SPIRE2: variants seen among roughly 807,000 people sequenced by gnomAD.
SPIRE2 encodes protein spire homolog 2.
A neutral mutation model predicts 80.7 loss-of-function variants in SPIRE2; 76 were observed. That is an observed-to-expected ratio of 0.94 (90% CI 0.78 to 1.14). SPIRE2 has a LOEUF of 1.14. Among genes scored for constraint, SPIRE2 ranks in the 50% most tolerant of loss-of-function variants. The pLI, the probability that SPIRE2 is intolerant of heterozygous loss-of-function variation, is 0.00. For missense variants in SPIRE2, 1,196 were observed against 1,015.3 expected, an observed-to-expected ratio of 1.18 and a Z score of -2.42; for synonymous variants, 535 against 432.6, an observed-to-expected ratio of 1.24 and a Z score of -2.94.
intron 7 of SPIRE2, among the ~76,000 whole-genome samples, chr16:89,857,361 C>T (rs1017554881): frequency 6.6e-6 from 1 of 151,624 alleles, no homozygotes; most frequent in African/African-American, 2.4e-5. Flanking sequence ...GTGTTGAACT[C>T]GTGGGCTCAA....
Position 89,860,690 on chromosome 16 carries a change from T to A in SPIRE2, c.1470T>A (p.Cys490Ter). The A allele has an allele frequency of 6.3e-7, 1 of 1,587,716 alleles. No individual in the cohort carries two copies. Among genetic ancestry groups the A allele is most frequent in the Non-Finnish European group, 8.6e-7 (1 of 1,167,156 alleles). ...GCCTCTGCTCTCCCCCAGGTACCTG[T>A]CCCGCGAGTGTCTCTGACCCCAGCC... ...WRPGSRDQGT[C>*]PASVSDPSHP... is the part of the protein sequence containing the mutation. The change falls in exon 10 of 15, where the codon TGT (cysteine) becomes TGA (stop). Residue 490 changes from cysteine to a stop codon, truncating the protein, a stop_gained. Coordinates refer to ENST00000378247, the MANE Select transcript of SPIRE2 (RefSeq NM_032451.2). LOFTEE classifies it high-confidence loss of function.
chr16:89,836,352 C>G (rs1275426929), intron 1 of SPIRE2: 1 of 419,990 alleles, frequency 2.4e-6, no homozygotes, highest in Admixed American at 2.7e-5. Context: ...GGCCGTGATT[C>G]TGCCGACTGC....
intron 3 of SPIRE2, 150 bp from the exon 4 acceptor site, chr16:89,854,136 C>T: frequency 1.4e-6 from 1 of 725,906 alleles, no homozygotes; most frequent in Non-Finnish European, 2.4e-6. Context: ...CTTTTCGAGT[C>T]CTATGGCCTG....
At position 89,857,620 on chromosome 16, in the gene SPIRE2, G is replaced by T. The variant is rs191536931; in HGVS notation, c.1103-718G>T. Among the ~76,000 whole-genome samples, 176 of 151,072 alleles carry T rather than the reference G, an allele frequency of 1.2e-3. 2 individuals are homozygous for T. Among genetic ancestry groups the T allele is most frequent in the African/African-American group, 4.2e-3 (173 of 41,192 alleles). ...AGTTTCGCCCTTTTTGCCCAGGCTG[G>T]AGTGCAGTGGCGCTATCTCAGCTCA... On this transcript the variant is annotated intron_variant, in intron 7 of 14. Coordinates refer to ENST00000378247, the MANE Select transcript of SPIRE2 (RefSeq NM_032451.2).
chr16:89,857,322 G>C (rs1026650221), intron 7 of SPIRE2, among the ~76,000 whole-genome samples: 1 of 151,616 alleles, frequency 6.6e-6, no homozygotes, highest in Non-Finnish European at 1.5e-5. Flanking sequence ...TTTTTGTAGA[G>C]ACAGGGTCTC....
intron 1 of SPIRE2, among the ~76,000 whole-genome samples, chr16:89,833,183 T>A (rs1188047348): frequency 6.6e-6 from 1 of 151,954 alleles, no homozygotes; most frequent in Non-Finnish European, 1.5e-5. Flanking sequence ...GAGATGGGGT[T>A]TCACCATGTT....
At position 89,850,607 on chromosome 16, in the gene SPIRE2, G is replaced by C; in HGVS notation, c.592G>C (p.Val198Leu). 1 of 1,518,770 alleles carries C rather than the reference G, an allele frequency of 6.6e-7. No individual in the cohort carries two copies. Among genetic ancestry groups the C allele is most frequent in the South Asian group, 1.2e-5 (1 of 81,906 alleles). The allele number at this position is 1,518,770 out of a possible 1,614,324, so 94.1% of individuals were successfully genotyped here. A position where few individuals can be genotyped will look rare whatever the true frequency, so the allele number is the denominator to read the frequency against. Residue 198 changes from valine (V) to leucine (L), a missense_variant, in exon 3 of 15, where the codon GTG becomes CTG. Transcript: ENST00000378247. ...HYQAVCRALF[V>L]ETLELRAFLA... is the part of the protein sequence containing the mutation. ...CCAGGCCGTGTGCCGCGCGCTCTTC[G>C]TGGAGACGCTGGAGCTGCGGGCCTT...
chr16:89,868,391 GT>G lies in SPIRE2; in HGVS notation c.1806+180del, dbSNP rs1305099613. Among the ~76,000 whole-genome samples the G allele has an allele frequency of 2.6e-5, 4 of 152,268 alleles. No homozygotes were observed. The East Asian group carries it at 7.7e-4, about 29-fold the overall frequency. On this transcript the variant is annotated intron_variant, in intron 13 of 14. Transcript: ENST00000378247. ...GTGCAGTTTTTAAAGACCCTTACAG[GT>G]TTTTGTTTTTAAACATTGCACGTTA...
At position 89,866,658 on chromosome 16, in the gene SPIRE2, G is replaced by T. The variant is rs1335221952; in HGVS notation, c.1779-1531G>T. Among the ~76,000 whole-genome samples, 13 of 142,396 alleles carry T rather than the reference G, an allele frequency of 9.1e-5. No individual in the cohort carries two copies. The Admixed American group carries it at 9.4e-4, about 10-fold the overall frequency. 93.4% of individuals were successfully genotyped at this position (142,396 alleles called of 152,430 possible). A position where few individuals can be genotyped will look rare whatever the true frequency, so the allele number is the denominator to read the frequency against. On this transcript the variant is annotated intron_variant, in intron 12 of 14. Transcript: ENST00000378247. ...GAATCTCACTCTGTCACCCAGGCTG[G>T]AGTGCAGTGGCACAATCTCGGCTCA... is the stretch of plus-strand genomic sequence containing the variant.
At chr16:89,869,416 A>G in intron 13 of SPIRE2, 151 bp from the exon 14 acceptor site, 1 of 611,716 alleles carries the variant, frequency 1.6e-6, no homozygotes, top group African/African-American at 1.8e-5. Context: ...GGCACAGAGG[A>G]GACATCGGAG....
chr16:89,848,187 G>T lies in SPIRE2; in HGVS notation c.289-2117G>T, dbSNP rs1219447802. On this transcript the variant is annotated intron_variant, in intron 2 of 14. Transcript: ENST00000378247. ...GCCCTCTGTCACTGTGCCCAGGAGG[G>T]GCCCTCAGATTCCTCTCTGGAGGTC... is the stretch of plus-strand genomic sequence containing the variant. Among the ~76,000 whole-genome samples the T allele has an allele frequency of 2.6e-5, 4 of 152,232 alleles. No individual in the cohort carries two copies. The East Asian group carries it at 5.8e-4, about 22-fold the overall frequency.
chr16:89,831,833 G>A (rs2041386756), intron 1 of SPIRE2, among the ~76,000 whole-genome samples: 1 of 151,200 alleles, frequency 6.6e-6, no homozygotes, highest in South Asian at 2.1e-4. Flanking sequence ...TGCCTCTAAG[G>A]CACCCTTAGA....
intron 2 of SPIRE2, 46 bp downstream of exon 2, chr16:89,845,411 G>C (rs375289062): frequency 7.5e-6 from 11 of 1,466,188 alleles, no homozygotes; most frequent in African/African-American, 1.4e-5. Flanking sequence ...GTGTTAAAAC[G>C]TACCTGCATC....
intron 1 of SPIRE2, among the ~76,000 whole-genome samples, chr16:89,839,104 G>T (rs1445421171): frequency 6.6e-6 from 1 of 152,096 alleles, no homozygotes; most frequent in Non-Finnish European, 1.5e-5. Context: ...CACTTTGGGA[G>T]GCCAAGGCGG....
In SPIRE2 at chr16:89,869,031, T is replaced by TA. The variant is rs766356633; in HGVS notation, c.1807-513dup. ...GGGCAATAGAGCAAGATCTGTGTCT[T>TA]AAAAAAAAAAAAAAAAAAAAAAATA... On this transcript the variant is annotated intron_variant, in intron 13 of 14. Transcript: ENST00000378247. Among the ~76,000 whole-genome samples the TA allele has an allele frequency of 8.0e-3, 191 of 23,954 alleles. 10 individuals are homozygous for TA. The highest frequency in any genetic ancestry group is 0.026 in the Middle Eastern group (1 of 38). The allele number at this position is 23,954 out of a possible 152,430, so 15.7% of individuals were successfully genotyped here. A position where few individuals can be genotyped will look rare whatever the true frequency, so the allele number is the denominator to read the frequency against.
At chr16:89,836,778 G>A (rs1186526952) in intron 1 of SPIRE2, among the ~76,000 whole-genome samples, 4 of 150,018 alleles carry the variant, frequency 2.7e-5, no homozygotes, top group Admixed American at 6.7e-5. Flanking sequence ...TCGGGAGTTC[G>A]AGACCAGCCT....
chr16:89,867,940 T>A (rs1011989816), intron 12 of SPIRE2, among the ~76,000 whole-genome samples: 3 of 152,268 alleles, frequency 2.0e-5, no homozygotes, highest in African/African-American at 7.2e-5. Flanking sequence ...AATAGAAAAC[T>A]TGGCAGGAGA....
intron 1 of SPIRE2, among the ~76,000 whole-genome samples, chr16:89,831,708 C>A (rs527997236): frequency 1.3e-5 from 2 of 151,252 alleles, no homozygotes; most frequent in African/African-American, 4.8e-5. Flanking sequence ...GGATGCTAAA[C>A]TTTTTCACAG....
At chr16:89,834,027 C>T (rs564577671) in intron 1 of SPIRE2, among the ~76,000 whole-genome samples, 20 of 152,216 alleles carry the variant, frequency 1.3e-4, no homozygotes, top group Non-Finnish European at 1.9e-4. Context: ...GGTTACCTCA[C>T]AGGAAGGCAG....
Sources: allele counts gnomAD v4.1 joint callset (sites outside exome capture counted in the v4.1 genomes callset), GRCh38; gene constraint gnomAD v4.1.1; transcripts MANE v1.5; gene names NCBI Gene and HGNC (gene_info 2026-07-23, HGNC 2026-07-21).